The following BRCA2 variants were observed in gnomAD, a reference collection of about 807,000 sequenced individuals.
BRCA2 encodes the protein breast cancer type 2 susceptibility protein.
Under a neutral mutation model 276.7 loss-of-function variants are expected in BRCA2, and 203 were observed. That is an observed-to-expected ratio of 0.73 (90% CI 0.65 to 0.82). BRCA2 has a LOEUF of 0.82. Among genes scored for constraint, BRCA2 ranks in the 40% least tolerant of loss-of-function variants. BRCA2 has a pLI of 0.00. For missense variants in BRCA2, 3,920 were observed against 3,915.0 expected (o/e 1.00, Z -0.03); for synonymous variants, 1,289 against 1,338.4 (o/e 0.96, Z 0.81).
At chr13:32,363,145 T>G in intron 17 of BRCA2, 34 bp from the exon 18 acceptor site, 1 of 1,560,436 alleles carries the variant, frequency 6.4e-7, no homozygotes, top group Non-Finnish European at 8.8e-7. Flanking sequence ...AGAGTCACAC[T>G]TCCTAAAATA....
At chr13:32,369,612 C>T (rs11571738) in intron 18 of BRCA2, among the ~76,000 whole-genome samples, 1 of 152,080 alleles carries the variant, frequency 6.6e-6, no homozygotes, top group African/African-American at 2.4e-5. Context: ...CACGCTCTGT[C>T]CCCCAGGCTG....
intron 13 of BRCA2, among the ~76,000 whole-genome samples, chr13:32,354,074 T>TA (rs780689872): frequency 7.2e-5 from 11 of 152,018 alleles, no homozygotes; most frequent in Non-Finnish European, 1.5e-4. Context: ...CAGGAAGAGG[T>TA]AAAACCAGTA....
chr13:32,362,688 A>C lies in BRCA2; in HGVS notation c.7971A>C (p.Lys2657Asn), dbSNP rs863224312. 6.2e-7 allele frequency: 1 copy of C among 1,614,064 alleles called. No homozygotes were observed. The highest frequency in any genetic ancestry group is 2.2e-5 in the East Asian group (1 of 44,882). ...CAGAAAGGGTGCTTCTTCAACTAAA[A>C]TACAGGCAAGTTTAAAGCATTACAT... is the stretch of plus-strand genomic sequence containing the variant. ...LSPERVLLQL[K>N]YRYDTEIDRS... is the part of the protein sequence containing the mutation. Residue 2657 changes from lysine to asparagine, a missense_variant, in exon 17 of 27, where the codon AAA (lysine) becomes AAC (asparagine). Coordinates refer to ENST00000380152, the MANE Select transcript of BRCA2 (RefSeq NM_000059.4).
At position 32,339,818 on chromosome 13, in the gene BRCA2, A is replaced by C; in HGVS notation, c.5463A>C (p.Lys1821Asn). Reference protein sequence around the residue: ...EELVTSSSPCKNKNAAIKLSI... With the variant: ...EELVTSSSPCNNKNAAIKLSI... Reference sequence around the variant, plus strand: ...TTGTGACTAGCTCTTCACCCTGCAAAAATAAAAATGCAGCCATTAAATTGT... The same window carrying C: ...TTGTGACTAGCTCTTCACCCTGCAACAATAAAAATGCAGCCATTAAATTGT... The change falls in exon 11 of 27, where the codon AAA becomes AAC. Residue 1821 changes from lysine (K) to asparagine (N), a missense_variant. Coordinates refer to ENST00000380152, the MANE Select transcript of BRCA2 (RefSeq NM_000059.4). 1 of 1,613,950 alleles carries C rather than the reference A, an allele frequency of 6.2e-7. No individual in the cohort carries two copies. Among genetic ancestry groups the C allele is most frequent in the Non-Finnish European group, 8.5e-7 (1 of 1,179,850 alleles).
Position 32,355,162 on chromosome 13 carries a change from A to G in BRCA2, c.7309A>G (p.Ile2437Val), listed in dbSNP as rs771175403. ...GGAGGAAAACAGACAAAAGCAAAAC[A>G]TTGATGGACATGGCTCTGATGATAG... ...NLEENRQKQN[I>V]DGHGSDDSKN... Residue 2437 changes from isoleucine to valine, a missense_variant, in exon 14 of 27, where the codon ATT (isoleucine) becomes GTT (valine). Ile to Val is a conservative substitution (Grantham distance 29, BLOSUM62 3). This residue lies in a region of BRCA2 where 3,263 missense variants were observed against 3,156.9 expected (regional missense o/e 1.03). Coordinates refer to ENST00000380152, the MANE Select transcript of BRCA2 (RefSeq NM_000059.4). The G allele has an allele frequency of 6.2e-7, 1 of 1,613,574 alleles. No homozygotes were observed. The highest frequency in any genetic ancestry group is 8.5e-7 in the Non-Finnish European group (1 of 1,179,738).
In BRCA2 at chr13:32,340,453, T is replaced by TATTAA; in HGVS notation, c.6099_6100insTTAAA (p.Arg2034LeufsTer8). On this transcript the variant is annotated frameshift_variant, in exon 11 of 27. Coordinates refer to ENST00000380152, the MANE Select transcript of BRCA2 (RefSeq NM_000059.4). LOFTEE classifies it high-confidence loss of function. ...CTCACAAGAGAAGAAAATACTGCTA[T>TATTAA]ACGTACTCCAGAACATTTAATATCC... The TATTAA allele has an allele frequency of 6.2e-7, 1 of 1,613,850 alleles. No homozygotes were observed. The highest frequency in any genetic ancestry group is 2.2e-5 in the East Asian group (1 of 44,832).
chr13:32,373,752 G>T (rs562808694), intron 20 of BRCA2, among the ~76,000 whole-genome samples: 1 of 152,194 alleles, frequency 6.6e-6, no homozygotes, highest in East Asian at 1.9e-4. Flanking sequence ...GGCTGTCAGT[G>T]GGGGATGATG....
At chr13:32,364,880 G>GT (rs1350820361) in intron 18 of BRCA2, among the ~76,000 whole-genome samples, 1 of 151,906 alleles carries the variant, frequency 6.6e-6, no homozygotes, top group East Asian at 1.9e-4. Flanking sequence ...TCTTTTCTGT[G>GT]TTAGAAACCC....
chr13:32,329,478 CATG>C lies in BRCA2; in HGVS notation c.670_672del (p.Asp224del), dbSNP rs1060502447. 3 of 1,597,180 alleles carry C rather than the reference CATG, an allele frequency of 1.9e-6. No homozygotes were observed. The highest frequency in any genetic ancestry group is 1.1e-5 in the South Asian group (1 of 90,088). On this transcript the variant is annotated inframe_deletion, in exon 8 of 27. Coordinates refer to ENST00000380152, the MANE Select transcript of BRCA2 (RefSeq NM_000059.4). ...AGAAGCATCTGAAACTGTATTTCCTCATGATACTACTGCTGTAAGTAAATATGA... is the reference window on the plus strand; with the variant it reads ...AGAAGCATCTGAAACTGTATTTCCTCATACTACTGCTGTAAGTAAATATGA...
chr13:32,394,840 T>C lies in BRCA2; in HGVS notation c.9408T>C (p.Leu3136=), dbSNP rs1566259109. ...GACCAGAATCCAAATCAGGCCTTCT[T>C]ACTTTATTTGCTGGAGATTTTTCTG... ...QWRPESKSGL[L]TLFAGDFSVF... is the part of the protein sequence containing the mutation. Residue 3136 remains leucine, a synonymous_variant, in exon 25 of 27, where the codon CTT becomes CTC. Transcript: ENST00000380152. 1 of 1,614,134 alleles carries C rather than the reference T, an allele frequency of 6.2e-7. No individual in the cohort carries two copies.
intron 16 of BRCA2, among the ~76,000 whole-genome samples, chr13:32,362,053 C>T (rs1303183062): frequency 6.6e-6 from 1 of 152,078 alleles, no homozygotes; most frequent in Non-Finnish European, 1.5e-5. Context: ...GAGATAGGGT[C>T]TCACTCTTGT....
intron 18 of BRCA2, among the ~76,000 whole-genome samples, chr13:32,368,456 C>T (rs2137592355): frequency 6.6e-6 from 1 of 151,430 alleles, no homozygotes; most frequent in South Asian, 2.1e-4. Context: ...GATACAGTAT[C>T]TTCTCATCTT....
At position 32,338,987 on chromosome 13, in the gene BRCA2, C is replaced by T. The variant is rs1593902960; in HGVS notation, c.4632C>T (p.Asn1544=). The T allele has an allele frequency of 8.1e-6, 13 of 1,613,412 alleles. No individual in the cohort carries two copies. The highest frequency in any genetic ancestry group is 1.0e-5 in the Non-Finnish European group (12 of 1,179,814). Residue 1544 remains asparagine (N), a synonymous_variant, in exon 11 of 27, where the codon AAC becomes AAT. Coordinates refer to ENST00000380152, the MANE Select transcript of BRCA2 (RefSeq NM_000059.4). ...IAKESLDKVK[N]LFDEKEQGTS... is the part of the protein sequence containing the mutation. ...AGGAATCTTTGGACAAAGTGAAAAA[C>T]CTTTTTGATGAAAAAGAGCAAGGTA...
At chr13:32,374,423 A>G (rs1190261534) in intron 20 of BRCA2, among the ~76,000 whole-genome samples, 1 of 152,200 alleles carries the variant, frequency 6.6e-6, no homozygotes, top group Non-Finnish European at 1.5e-5. Flanking sequence ...ATAGGTTCCA[A>G]TTTCAAACCA....
rs206075 is a variant in BRCA2, at chr13:32,338,918, A to C, written c.4563A>C (p.Leu1521=). 6.2e-6 allele frequency: 10 copies of C among 1,613,890 alleles called. No homozygotes were observed. Among genetic ancestry groups the C allele is most frequent in the Non-Finnish European group, 7.6e-6 (9 of 1,179,956 alleles). Residue 1521 remains leucine, a synonymous_variant, in exon 11 of 27, where the codon CTA becomes CTC. Coordinates refer to ENST00000380152, the MANE Select transcript of BRCA2 (RefSeq NM_000059.4). The stretch of plus-strand genomic sequence containing the variant: ...ATGAAAAGATCAAAGAACCTACTCT[A>C]TTGGGTTTTCATACAGCTAGCGGGA... The part of the protein sequence containing the change: ...ERDEKIKEPT[L]LGFHTASGKK...
rs56085245 is a variant in BRCA2, at chr13:32,347,053, C to T, written c.7007+157C>T. On this transcript the variant is annotated intron_variant, in intron 13 of 26. Transcript: ENST00000380152. ...AATACTTTGGTAGTATTTTATAGTG[C>T]TGTTCATATCATTATTTTATTTTTT... Among the ~76,000 whole-genome samples the T allele has an allele frequency of 4.7e-3, 710 of 152,002 alleles. 8 individuals are homozygous for T. Among genetic ancestry groups the T allele is most frequent in the African/African-American group, 0.017 (691 of 41,496 alleles).
rs1060502493 is a variant in BRCA2, at chr13:32,363,279, A to G, written c.8077A>G (p.Ile2693Val). Reference sequence around the variant, plus strand: ...AACACTTGTTCTCTGTGTTTCTGACATAATTTCATTGAGCGCAAATATATC... The same window carrying G: ...AACACTTGTTCTCTGTGTTTCTGACGTAATTTCATTGAGCGCAAATATATC... ...AKTLVLCVSD[I>V]ISLSANISET... Residue 2693 changes from isoleucine to valine, a missense_variant, in exon 18 of 27, where the codon ATA becomes GTA. This residue lies in a region of BRCA2 where 3,263 missense variants were observed against 3,156.9 expected (regional missense o/e 1.03). Coordinates refer to ENST00000380152, the MANE Select transcript of BRCA2 (RefSeq NM_000059.4). 1.2e-6 allele frequency: 2 copies of G among 1,614,220 alleles called. No individual in the cohort carries two copies. The highest frequency in any genetic ancestry group is 1.7e-6 in the Non-Finnish European group (2 of 1,180,024).
chr13:32,340,648 C>G lies in BRCA2; in HGVS notation c.6293C>G (p.Ser2098Cys), dbSNP rs80358867. The change falls in exon 11 of 27, where the codon TCT (serine) becomes TGT (cysteine). Residue 2098 changes from serine to cysteine, a missense_variant. Transcript: ENST00000380152. ...TEHSLHYSPT[S>C]RQNVSKILPR... ...CATAGTCTTCACTATTCACCTACGTCTAGACAAAATGTATCAAAAATACTT... is the reference window on the plus strand; with the variant it reads ...CATAGTCTTCACTATTCACCTACGTGTAGACAAAATGTATCAAAAATACTT... The G allele has an allele frequency of 6.2e-7, 1 of 1,607,394 alleles. No homozygotes were observed. Among genetic ancestry groups the G allele is most frequent in the South Asian group, 1.1e-5 (1 of 89,564 alleles).
At position 32,338,755 on chromosome 13, in the gene BRCA2, A is replaced by T. The variant is rs1555283765; in HGVS notation, c.4400A>T (p.His1467Leu). 1 of 1,607,684 alleles carries T rather than the reference A, an allele frequency of 6.2e-7. No homozygotes were observed. Among genetic ancestry groups the T allele is most frequent in the African/African-American group, 1.3e-5 (1 of 74,912 alleles). The change falls in exon 11 of 27, where the codon CAT (histidine) becomes CTT (leucine). Residue 1467 changes from histidine to leucine, a missense_variant. His to Leu is a moderately conservative substitution (Grantham distance 99). Transcript: ENST00000380152. ...AACTTTTCCTTAAATTCTGAATTAC[A>T]TTCTGACATAAGAAAGAACAAAATG... The part of the protein sequence containing the change: ...LHNFSLNSEL[H>L]SDIRKNKMDI...
Sources: allele counts gnomAD v4.1 joint callset (sites outside exome capture counted in the v4.1 genomes callset), GRCh38; gene constraint gnomAD v4.1.1; regional missense constraint gnomAD v4.1.1; transcripts MANE v1.5; gene names NCBI Gene and HGNC (gene_info 2026-07-23, HGNC 2026-07-21).